ST6GAL1: variants seen among roughly 807,000 people sequenced by gnomAD.
ST6GAL1 encodes ST6 beta-galactoside alpha-2,6-sialyltransferase 1.
A neutral mutation model predicts 38.0 loss-of-function variants in ST6GAL1; 20 were observed. The ratio of observed to expected loss-of-function variants is 0.53; its 90% CI spans 0.37 to 0.77. The LOEUF is 0.77. Ranked by LOEUF, ST6GAL1 falls within the 30% of genes least tolerant of loss-of-function variation. ST6GAL1 has a pLI of 0.00. For missense variants in ST6GAL1, 432 were observed against 496.4 expected, an observed-to-expected ratio of 0.87 and a Z score of 1.23; for synonymous variants, 196 against 188.2, an observed-to-expected ratio of 1.04 and a Z score of -0.34.
At chr3:187,022,190 G>A (rs1717337683) in intron 2 of ST6GAL1, among the ~76,000 whole-genome samples, 2 of 152,260 alleles carry the variant, frequency 1.3e-5, no homozygotes, top group Admixed American at 6.5e-5. Context: ...ACTATTTCCA[G>A]GTAGATAGTG....
At chr3:186,949,728 G>A (rs1714513017) in intron 1 of ST6GAL1, among the ~76,000 whole-genome samples, 1 of 152,174 alleles carries the variant, frequency 6.6e-6, no homozygotes, top group South Asian at 2.1e-4. Context: ...AAAACCACAT[G>A]CTTTGTAGCC....
intron 2 of ST6GAL1, chr3:186,986,602 G>C (rs896551526): frequency 7.2e-5 from 11 of 152,146 alleles, no homozygotes; most frequent in Non-Finnish European, 1.5e-4. Context: ...GCTGTATGTG[G>C]TTCTATTTTG....
chr3:187,001,892 G>T (rs980880716), intron 2 of ST6GAL1, among the ~76,000 whole-genome samples: 6 of 150,214 alleles, frequency 4.0e-5, no homozygotes, highest in Non-Finnish European at 5.9e-5. Context: ...GGAGGCGGAG[G>T]TTGCAGTGAG....
intron 2 of ST6GAL1, among the ~76,000 whole-genome samples, chr3:187,034,310 A>G (rs1347430073): frequency 2.6e-5 from 4 of 152,140 alleles, no homozygotes; most frequent in African/African-American, 7.2e-5. Flanking sequence ...ATTCACAGCC[A>G]AATTCTATCA....
At chr3:186,964,068 C>T (rs111830888) in intron 2 of ST6GAL1, 142 bp downstream of exon 2, 2 of 152,216 alleles carry the variant, frequency 1.3e-5, no homozygotes, top group Non-Finnish European at 2.9e-5. Flanking sequence ...AGCCTCAGCC[C>T]GTTGGGAGGC....
At chr3:186,967,530 G>A (rs540393619) in intron 2 of ST6GAL1, among the ~76,000 whole-genome samples, 73 of 152,140 alleles carry the variant, frequency 4.8e-4, no homozygotes, top group African/African-American at 2.7e-4. Context: ...GCTAACTGGG[G>A]AACAAACCAG....
chr3:186,936,238 G>A (rs959061511), intron 1 of ST6GAL1, among the ~76,000 whole-genome samples: 1 of 152,176 alleles, frequency 6.6e-6, no homozygotes, highest in Non-Finnish European at 1.5e-5. Flanking sequence ...CAAGAGGGAA[G>A]GCTTCAGAGA....
At chr3:187,011,905 T>C (rs1716965981) in intron 2 of ST6GAL1, among the ~76,000 whole-genome samples, 1 of 152,184 alleles carries the variant, frequency 6.6e-6, no homozygotes, top group Non-Finnish European at 1.5e-5. Context: ...CAGTACTTGA[T>C]TCGGAGGACT....
At chr3:187,046,833 G>A (rs1718313805) in intron 4 of ST6GAL1, among the ~76,000 whole-genome samples, 1 of 152,242 alleles carries the variant, frequency 6.6e-6, no homozygotes, top group South Asian at 2.1e-4. Context: ...ACTCAACTCT[G>A]CTGTTGTACT....
chr3:186,950,698 T>C (rs1269786502), intron 1 of ST6GAL1, among the ~76,000 whole-genome samples: 2 of 152,222 alleles, frequency 1.3e-5, no homozygotes, highest in African/African-American at 4.8e-5. Context: ...CTTTATGCAG[T>C]GCTCAGTGTC....
intron 3 of ST6GAL1, among the ~76,000 whole-genome samples, chr3:187,039,658 A>G (rs928136500): frequency 4.6e-5 from 7 of 152,240 alleles, no homozygotes; most frequent in African/African-American, 1.7e-4. Context: ...TGTTTTTCCA[A>G]AACATTTGTA....
At chr3:187,073,485 A>G (rs1255419947) in intron 6 of ST6GAL1, 1 of 160,726 alleles carries the variant, frequency 6.2e-6, no homozygotes, top group Non-Finnish European at 1.4e-5. Flanking sequence ...GATCTGCAAC[A>G]GCAGCTCTTT....
At chr3:187,030,527 G>A (rs540790947) in intron 2 of ST6GAL1, among the ~76,000 whole-genome samples, 10 of 152,238 alleles carry the variant, frequency 6.6e-5, no homozygotes, top group African/African-American at 1.2e-4. Flanking sequence ...TCCGCCTCCC[G>A]GATTCAAGCG....
At chr3:187,017,363 G>C (rs1181379113) in intron 2 of ST6GAL1, among the ~76,000 whole-genome samples, 2 of 152,070 alleles carry the variant, frequency 1.3e-5, no homozygotes, top group Non-Finnish European at 2.9e-5. Flanking sequence ...GTAATATCAG[G>C]CATCTATATT....
At chr3:186,947,174 A>T (rs747390663) in intron 1 of ST6GAL1, among the ~76,000 whole-genome samples, 8 of 152,182 alleles carry the variant, frequency 5.3e-5, no homozygotes, top group Non-Finnish European at 8.8e-5. Flanking sequence ...CACACTAGAT[A>T]CTACACGTAG....
intron 2 of ST6GAL1, among the ~76,000 whole-genome samples, chr3:186,995,172 T>G (rs919316270): frequency 2.6e-5 from 4 of 151,916 alleles, no homozygotes; most frequent in African/African-American, 9.7e-5. Flanking sequence ...CAAATTAGGA[T>G]CCAGATAAAA....
chr3:186,953,345 G>C (rs1387307693), intron 1 of ST6GAL1, among the ~76,000 whole-genome samples: 5 of 152,174 alleles, frequency 3.3e-5, no homozygotes, highest in Non-Finnish European at 7.3e-5. Flanking sequence ...CTACTCCTCA[G>C]ATATAAAGCA....
At chr3:187,055,505 G>T (rs1472421351) in intron 5 of ST6GAL1, among the ~76,000 whole-genome samples, 1 of 152,104 alleles carries the variant, frequency 6.6e-6, no homozygotes, top group Non-Finnish European at 1.5e-5. Flanking sequence ...GGTATGTTGT[G>T]TCTTTGTTCT....
At chr3:187,013,708 C>T (rs1717029383) in intron 2 of ST6GAL1, among the ~76,000 whole-genome samples, 1 of 152,184 alleles carries the variant, frequency 6.6e-6, no homozygotes, top group Non-Finnish European at 1.5e-5. Context: ...CCTCAGCCTC[C>T]TGAGTAGCTG....
Sources: allele counts gnomAD v4.1 joint callset (sites outside exome capture counted in the v4.1 genomes callset), GRCh38; gene constraint gnomAD v4.1.1; transcripts MANE v1.5; gene names NCBI Gene and HGNC (gene_info 2026-07-23, HGNC 2026-07-21).